MAN1B1: variants seen among roughly 807,000 people sequenced by gnomAD.
MAN1B1 encodes the protein mannosidase alpha class 1B member 1, also known as endoplasmic reticulum mannosyl-oligosaccharide 1,2-alpha-mannosidase.
Under a neutral mutation model 75.5 loss-of-function variants are expected in MAN1B1, and 66 were observed. The observed-to-expected ratio is 0.87, with a 90% CI of 0.72 to 1.07. MAN1B1 has a LOEUF of 1.07. MAN1B1 is among the 50% of genes least tolerant of loss of function. MAN1B1 has a pLI of 0.00. For missense variants in MAN1B1, 973 were observed against 912.5 expected, an observed-to-expected ratio of 1.07 and a Z score of -0.85; for synonymous variants, 453 against 382.8, an observed-to-expected ratio of 1.18 and a Z score of -2.14.
rs768871118 is a variant in MAN1B1 at position 137,101,685 on chromosome 9, G to A, written c.1254+13G>A. 6 of 1,609,888 alleles carry A rather than the reference G, an allele frequency of 3.7e-6. No homozygotes were observed. The highest frequency in any genetic ancestry group is 1.7e-4 in the Middle Eastern group (1 of 6,054). Reference sequence around the variant, plus strand: ...TAAGAAGTTTCAGGTAAGGGGGCAGGCTTTCTGGCTGGATGCGCCTCCCCT... The same window carrying A: ...TAAGAAGTTTCAGGTAAGGGGGCAGACTTTCTGGCTGGATGCGCCTCCCCT... On this transcript the variant is annotated intron_variant, in intron 8 of 12. Coordinates refer to ENST00000371589, the MANE Select transcript of MAN1B1 (RefSeq NM_016219.5).
At chr9:137,088,733 A>G in intron 2 of MAN1B1, 136 bp from the exon 3 acceptor site, 5 of 980,192 alleles carry the variant, frequency 5.1e-6, no homozygotes, top group Non-Finnish European at 6.3e-6. Flanking sequence ...GACATTGTTG[A>G]ATTCATTTCA....
rs1219331067 is a variant in MAN1B1 at position 137,108,189 on chromosome 9, T to C, written c.1897-199T>C. ...GGGAGGCGGTTTCTGTCGTGGTCAC[T>C]TGAGGGTTGTTGGCATTTCCAGGTG... On this transcript the variant is annotated intron_variant, in intron 12 of 12. Coordinates refer to ENST00000371589, the MANE Select transcript of MAN1B1 (RefSeq NM_016219.5). 5 of 629,906 alleles carry C rather than the reference T, an allele frequency of 7.9e-6. No homozygotes were observed. The East Asian group carries it at 1.4e-4, about 17-fold the overall frequency. The allele number at this position is 629,906 out of a possible 1,614,324, so 39.0% of individuals were successfully genotyped here. A position where few individuals can be genotyped will look rare whatever the true frequency, so the allele number is the denominator to read the frequency against.
intron 3 of MAN1B1, among the ~76,000 whole-genome samples, chr9:137,090,331 C>T (rs775238676): frequency 2.0e-4 from 31 of 152,078 alleles, no homozygotes; most frequent in Non-Finnish European, 4.1e-4. Context: ...GAGTCCTCAG[C>T]GCCAGGTGGA....
At chr9:137,098,673 G>A (rs374372908) in intron 5 of MAN1B1, among the ~76,000 whole-genome samples, 112 of 152,244 alleles carry the variant, frequency 7.4e-4, no homozygotes, top group African/African-American at 2.4e-3. Context: ...CTGAGAGGAC[G>A]TGTGGTTTGG....
chr9:137,105,335 ACCATCCACGTGAGGCTCCCACACG>A (rs56839039), intron 8 of MAN1B1: 53,128 of 161,880 alleles, frequency 0.33, 8,989 homozygotes, highest in East Asian at 0.59. Context: ...TGCAGCCCAC[ACCATCCACGTGAGGCTCCCACACG>A]CCATCCACGT....
Position 137,101,248 on chromosome 9 carries a change from T to C in MAN1B1, c.1065+95T>C, listed in dbSNP as rs908117215. On this transcript the variant is annotated intron_variant, in intron 7 of 12. Coordinates refer to ENST00000371589, the MANE Select transcript of MAN1B1 (RefSeq NM_016219.5). Reference sequence around the variant, plus strand: ...TTGTGGGGACGTGACTGTCTTCCTGTTTCCTCTTCAAATGCACTGGAGTCT... The same window carrying C: ...TTGTGGGGACGTGACTGTCTTCCTGCTTCCTCTTCAAATGCACTGGAGTCT... The C allele has an allele frequency of 6.6e-6, 10 of 1,504,266 alleles. No homozygotes were observed. In the African/African-American group the frequency reaches 1.4e-4, roughly 21 times the overall value. The allele number at this position is 1,504,266 out of a possible 1,614,324, so 93.2% of individuals were successfully genotyped here. A position where few individuals can be genotyped will look rare whatever the true frequency, so the allele number is the denominator to read the frequency against.
At chr9:137,097,659 C>T (rs1391656386) in intron 4 of MAN1B1, among the ~76,000 whole-genome samples, 169 bp from the exon 5 acceptor site, 1 of 152,228 alleles carries the variant, frequency 6.6e-6, no homozygotes, top group Non-Finnish European at 1.5e-5. Context: ...GGCACGGGAG[C>T]TCAGGACTGA....
chr9:137,098,059 C>T, intron 5 of MAN1B1, 122 bp downstream of exon 5: 2 of 726,742 alleles, frequency 2.8e-6, no homozygotes, highest in South Asian at 3.2e-5. Flanking sequence ...TGCCCTTCAG[C>T]ATCCCCCTGT....
chr9:137,109,144 A>G lies in MAN1B1; in HGVS notation c.*553A>G, dbSNP rs754678273. On this transcript the variant is annotated 3_prime_UTR_variant, in exon 13 of 13. Transcript: ENST00000371589. ...CTAGCTCACGGGCCCCTCCAGTGGA[A>G]TGGGTCTTTTCGGTGGAGATAAAAG... 109 of 454,562 alleles carry G rather than the reference A, an allele frequency of 2.4e-4. No homozygotes were observed. Among genetic ancestry groups the G allele is most frequent in the Non-Finnish European group, 4.2e-4 (96 of 226,972 alleles). 28.2% of individuals were successfully genotyped at this position (454,562 alleles called of 1,614,324 possible). A position where few individuals can be genotyped will look rare whatever the true frequency, so the allele number is the denominator to read the frequency against.
intron 1 of MAN1B1, chr9:137,087,518 C>T (rs755043135): frequency 1.6e-5 from 10 of 617,944 alleles, no homozygotes; most frequent in South Asian, 1.1e-4. Flanking sequence ...AGGCGCCTGC[C>T]CCTCTTGGAG....
intron 6 of MAN1B1, among the ~76,000 whole-genome samples, chr9:137,100,115 C>T (rs1830768770): frequency 6.6e-6 from 1 of 152,196 alleles, no homozygotes; most frequent in South Asian, 2.1e-4. Context: ...TGAGTGTGGA[C>T]TCTTTGGGGG....
rs568049433 is a variant in MAN1B1, at chr9:137,103,512, G to A, written c.1254+1840G>A. The A allele has an allele frequency of 1.2e-3, 543 of 440,068 alleles. 2 individuals are homozygous for A. The highest frequency in any genetic ancestry group is 8.5e-3 in the African/African-American group (417 of 48,888). The allele number at this position is 440,068 out of a possible 1,614,324, so 27.3% of individuals were successfully genotyped here. A position where few individuals can be genotyped will look rare whatever the true frequency, so the allele number is the denominator to read the frequency against. On this transcript the variant is annotated intron_variant, in intron 8 of 12. Coordinates refer to ENST00000371589, the MANE Select transcript of MAN1B1 (RefSeq NM_016219.5). ...TACACACATTCACGCTATTGCAGGC[G>A]TGCAGGCCGGTGGTGTTACATTCAC...
chr9:137,103,220 T>G lies in MAN1B1; in HGVS notation c.1254+1548T>G, dbSNP rs576546088. ...GTTGCAGGCGTGCAGGTCGGTGGTGTTACACACATTCATGGTGTTGCAGGC... is the reference window on the plus strand; with the variant it reads ...GTTGCAGGCGTGCAGGTCGGTGGTGGTACACACATTCATGGTGTTGCAGGC... On this transcript the variant is annotated intron_variant, in intron 8 of 12. Coordinates refer to ENST00000371589, the MANE Select transcript of MAN1B1 (RefSeq NM_016219.5). The G allele has an allele frequency of 2.1e-4, 85 of 405,796 alleles. No homozygotes were observed. In the East Asian group the frequency reaches 5.0e-3, roughly 24 times the overall value. 25.1% of individuals were successfully genotyped at this position (405,796 alleles called of 1,614,324 possible).
Position 137,097,893 on chromosome 9 carries a change from C to T in MAN1B1, c.686C>T (p.Pro229Leu), listed in dbSNP as rs1830697597. The change falls in exon 5 of 13, where the codon CCC (proline) becomes CTC (leucine). Residue 229 changes from proline to leucine, a missense_variant. Pro to Leu is a moderately conservative substitution (Grantham distance 98, BLOSUM62 -3). Coordinates refer to ENST00000371589, the MANE Select transcript of MAN1B1 (RefSeq NM_016219.5). ...TELPSRRAEV[P>L]TKPPLPPART... ...CTCCCTTCAAGAAGAGCAGAAGTGC[C>T]CACCAAGCCTCCCCTGCCACCGGCC... 6.4e-7 allele frequency: 1 copy of T among 1,560,950 alleles called. No individual in the cohort carries two copies. The highest frequency in any genetic ancestry group is 1.2e-5 in the South Asian group (1 of 84,600).
At chr9:137,090,532 G>C (rs1830487706) in intron 3 of MAN1B1, among the ~76,000 whole-genome samples, 1 of 151,996 alleles carries the variant, frequency 6.6e-6, no homozygotes, top group African/African-American at 2.4e-5. Flanking sequence ...GACTGCCGTG[G>C]GGGTGTTTTG....
intron 3 of MAN1B1, among the ~76,000 whole-genome samples, chr9:137,095,188 G>A (rs1830620991): frequency 1.3e-5 from 2 of 151,906 alleles, no homozygotes; most frequent in African/African-American, 4.8e-5. Flanking sequence ...ACTCTGACTG[G>A]GATTACAGGC....
At chr9:137,100,364 C>T (rs907295662) in intron 6 of MAN1B1, among the ~76,000 whole-genome samples, 2 of 152,172 alleles carry the variant, frequency 1.3e-5, no homozygotes, top group Non-Finnish European at 2.9e-5. Context: ...GGGTCGTAGC[C>T]TTTGGTTGTG....
In MAN1B1 at chr9:137,108,849, C is replaced by T. The variant is rs755189897; in HGVS notation, c.*258C>T. On this transcript the variant is annotated 3_prime_UTR_variant, in exon 13 of 13. Coordinates refer to ENST00000371589, the MANE Select transcript of MAN1B1 (RefSeq NM_016219.5). ...TCCAGAAGACACGAATCATGACTCA[C>T]GATTGCTGAAGCCTGAGCAGGTCTC... The T allele has an allele frequency of 1.5e-4, 95 of 640,770 alleles. No individual in the cohort carries two copies. Among genetic ancestry groups the T allele is most frequent in the East Asian group, 7.2e-4 (23 of 31,800 alleles). The allele number at this position is 640,770 out of a possible 1,614,324, so 39.7% of individuals were successfully genotyped here.
chr9:137,096,977 G>C (rs1830668553), intron 4 of MAN1B1, among the ~76,000 whole-genome samples: 1 of 152,252 alleles, frequency 6.6e-6, no homozygotes, highest in Admixed American at 6.5e-5. Flanking sequence ...GGGCCAGTGA[G>C]GGCTGCTGTG....
Sources: allele counts gnomAD v4.1 joint callset (sites outside exome capture counted in the v4.1 genomes callset), GRCh38; gene constraint gnomAD v4.1.1; transcripts MANE v1.5; gene names NCBI Gene and HGNC (gene_info 2026-07-23, HGNC 2026-07-21).